HPSE: variants seen among roughly 807,000 people sequenced by gnomAD.
HPSE encodes the protein endo-glucoronidase.
In HPSE, 48 loss-of-function variants were observed where a neutral mutation model predicts 65.1. That is an observed-to-expected ratio of 0.74 (90% CI 0.58 to 0.94). HPSE has a LOEUF of 0.94. Ranked by LOEUF, HPSE falls within the 40% of genes least tolerant of loss-of-function variation. The pLI is 0.00. For synonymous variants in HPSE, 243 were observed against 260.0 expected, an observed-to-expected ratio of 0.93 and a Z score of 0.63; for missense variants, 644 against 637.5, an observed-to-expected ratio of 1.01 and a Z score of -0.11.
rs558212019 is a variant in HPSE, at chr4:83,326,132, G to A, written c.228-3768C>T. 7.2e-5 allele frequency among the ~76,000 whole-genome samples: 11 copies of A among 152,316 alleles called. No homozygotes were observed. In the East Asian group the frequency reaches 1.9e-3, roughly 27 times the overall value. On this transcript the variant is annotated intron_variant, in intron 1 of 11. Transcript: ENST00000311412. This position sits in a 1 kb window ranked among gnomAD's most constrained non-coding sequence, Gnocchi z 4.2. ...CTGGTCATGTTAACGTAGACAAAAC[G>A]TGATGGACTGAGGTAAGGTAACAGC...
intron 2 of HPSE, among the ~76,000 whole-genome samples, chr4:83,320,376 A>C (rs377212552): frequency 6.6e-6 from 1 of 152,032 alleles, no homozygotes; most frequent in African/African-American, 2.4e-5. Context: ...ACTAGCCTGG[A>C]CAACATAGTA....
At chr4:83,333,827 C>T (rs372758789) in intron 1 of HPSE, among the ~76,000 whole-genome samples, 6 of 140,778 alleles carry the variant, frequency 4.3e-5, no homozygotes, top group East Asian at 4.1e-4. Flanking sequence ...TGTTCTGTGA[C>T]GCCCTTTTCA....
intron 3 of HPSE, among the ~76,000 whole-genome samples, chr4:83,318,667 G>A (rs1398708508): frequency 3.5e-5 from 5 of 142,364 alleles, no homozygotes; most frequent in Admixed American, 7.2e-5. Context: ...CCAAGATTGC[G>A]CCATTGCACT....
chr4:83,317,937 A>T (rs371709362), intron 3 of HPSE, among the ~76,000 whole-genome samples: 16 of 152,338 alleles, frequency 1.1e-4, no homozygotes, highest in African/African-American at 3.8e-4. Context: ...TTAAAGTGTC[A>T]GAGTAGATCG....
chr4:83,298,481 TA>T (rs377621352), intron 11 of HPSE, among the ~76,000 whole-genome samples: 3,610 of 150,862 alleles, frequency 0.024, 152 homozygotes, highest in African/African-American at 0.082. Flanking sequence ...TATTTTTTTT[TA>T]AAAAAAAACA....
chr4:83,295,400 C>G lies in HPSE; in HGVS notation c.1576G>C (p.Ala526Pro). The G allele has an allele frequency of 6.2e-7, 1 of 1,612,988 alleles. No individual in the cohort carries two copies. Among genetic ancestry groups the G allele is most frequent in the Non-Finnish European group, 8.5e-7 (1 of 1,179,390 alleles). ...LRPGSSLGLP[A>P]FSYSFFVIRN... ...ATCACAAAAAAACTATATGAGAAAGCTGGCAAGCCCAGTGAACTTCCTGGC... is the reference window on the plus strand; with the variant it reads ...ATCACAAAAAAACTATATGAGAAAGGTGGCAAGCCCAGTGAACTTCCTGGC... Residue 526 changes from alanine to proline, a missense_variant, in exon 12 of 12, where the codon GCT becomes CCT. Ala to Pro is a conservative substitution (Grantham distance 27). Coordinates refer to ENST00000311412, the MANE Select transcript of HPSE (RefSeq NM_001098540.3).
chr4:83,313,181 A>G lies in HPSE; in HGVS notation c.606T>C (p.Ser202=). The G allele has an allele frequency of 4.3e-6, 7 of 1,613,802 alleles. No homozygotes were observed. Among genetic ancestry groups the G allele is most frequent in the South Asian group, 1.1e-5 (1 of 91,080 alleles). The change falls in exon 4 of 12, where the codon TCT becomes TCC. Residue 202 remains serine (S), a synonymous_variant. Coordinates refer to ENST00000311412, the MANE Select transcript of HPSE (RefSeq NM_001098540.3). ...AGTAGTCCAGGAGCAACTGAGCATT[A>G]GAACTGTTCCACTGCAAATCTGCTG... ...LRTADLQWNS[S]NAQLLLDYCS... is the part of the protein sequence containing the mutation.
chr4:83,300,843 G>A (rs747072624), intron 11 of HPSE, 117 bp downstream of exon 11: 1,939 of 329,398 alleles, frequency 5.9e-3, no homozygotes, highest in African/African-American at 0.013. Flanking sequence ...AAAAAAAAAA[G>A]AATTATTAGA....
chr4:83,302,231 C>T lies in HPSE; in HGVS notation c.1244G>A (p.Gly415Asp). 1 of 1,613,672 alleles carries T rather than the reference C, an allele frequency of 6.2e-7. No homozygotes were observed. The highest frequency in any genetic ancestry group is 8.5e-7 in the Non-Finnish European group (1 of 1,179,688). Residue 415 changes from glycine (G) to aspartate (D), a missense_variant, in exon 10 of 12, where the codon GGC (glycine) becomes GAC (aspartate). Coordinates refer to ENST00000311412, the MANE Select transcript of HPSE (RefSeq NM_001098540.3). ...WLSLLFKKLV[G>D]TKVLMASVQG... ...CACGCTTGCCATTAACACCTTGGTG[C>T]CCACCAATTTCTTGAACAGAAGAGA...
rs202093634 is a variant in HPSE at position 83,306,192 on chromosome 4, T to C, written c.1206+11A>G. Reference sequence around the variant, plus strand: ...TACTCCACTAGAATTAGGAAAATAATGGTCACTTACAGGTAAAGGATCGAA... The same window carrying C: ...TACTCCACTAGAATTAGGAAAATAACGGTCACTTACAGGTAAAGGATCGAA... On this transcript the variant is annotated intron_variant, in intron 9 of 11. Transcript: ENST00000311412. The C allele has an allele frequency of 3.3e-5, 50 of 1,498,000 alleles. No homozygotes were observed. Among genetic ancestry groups the C allele is most frequent in the Non-Finnish European group, 4.3e-5 (46 of 1,074,202 alleles). The allele number at this position is 1,498,000 out of a possible 1,614,324, so 92.8% of individuals were successfully genotyped here.
chr4:83,329,476 G>C (rs958283992), intron 1 of HPSE, among the ~76,000 whole-genome samples: 2 of 152,180 alleles, frequency 1.3e-5, no homozygotes, highest in Non-Finnish European at 2.9e-5. Context: ...AAGAAGTAGA[G>C]AGAGGAAGAA....
At chr4:83,328,564 A>T (rs1021141585) in intron 1 of HPSE, among the ~76,000 whole-genome samples, 2 of 152,200 alleles carry the variant, frequency 1.3e-5, no homozygotes, top group Non-Finnish European at 2.9e-5. Context: ...AGACCAAATA[A>T]GATAAAGTGT....
At chr4:83,323,569 T>C (rs1039901552) in intron 1 of HPSE, among the ~76,000 whole-genome samples, 3 of 152,160 alleles carry the variant, frequency 2.0e-5, no homozygotes, top group Non-Finnish European at 4.4e-5. Flanking sequence ...TTCACACACC[T>C]GTCTTTCCAG....
rs1212522994 is a variant in HPSE at position 83,313,164 on chromosome 4, A to G, written c.623T>C (p.Leu208Pro). The G allele has an allele frequency of 6.2e-7, 1 of 1,614,022 alleles. No individual in the cohort carries two copies. Among genetic ancestry groups the G allele is most frequent in the Non-Finnish European group, 8.5e-7 (1 of 1,179,848 alleles). The change falls in exon 4 of 12, where the codon CTG becomes CCG. Residue 208 changes from leucine (L) to proline (P), a missense_variant. Physicochemically the swap from Leu to Pro is moderately conservative, Grantham distance 98 (BLOSUM62 -3). Coordinates refer to ENST00000311412, the MANE Select transcript of HPSE (RefSeq NM_001098540.3). ...QWNSSNAQLL[L>P]DYCSSKGYNI... Reference sequence around the variant, plus strand: ...ATACCCCTTGGAAGAGCAGTAGTCCAGGAGCAACTGAGCATTAGAACTGTT... The same window carrying G: ...ATACCCCTTGGAAGAGCAGTAGTCCGGGAGCAACTGAGCATTAGAACTGTT...
rs557497766 is a variant in HPSE at position 83,323,115 on chromosome 4, A to C, written c.228-751T>G. On this transcript the variant is annotated intron_variant, in intron 1 of 11. Transcript: ENST00000311412. ...GTCTGTCTGAAAAATAGATCGTCCG[A>C]AACTATGGGACAGTAAAAAGATCAG... Among the ~76,000 whole-genome samples the C allele has an allele frequency of 2.6e-5, 4 of 152,298 alleles. No homozygotes were observed. In the South Asian group the frequency reaches 8.3e-4, roughly 32 times the overall value.
intron 11 of HPSE, 33 bp downstream of exon 11, chr4:83,300,927 G>A: frequency 6.9e-7 from 1 of 1,445,328 alleles, no homozygotes; most frequent in East Asian, 2.4e-5. Flanking sequence ...TAAATTTATT[G>A]AAAGTTTGGA....
chr4:83,303,201 C>T (rs1452321906), intron 9 of HPSE, among the ~76,000 whole-genome samples: 1 of 152,008 alleles, frequency 6.6e-6, no homozygotes, highest in Admixed American at 6.6e-5. Context: ...TACCAGTTTA[C>T]AGGAAACACA....
intron 4 of HPSE, 79 bp downstream of exon 4, chr4:83,313,035 A>T: frequency 9.6e-7 from 1 of 1,039,050 alleles, no homozygotes; most frequent in Non-Finnish European, 1.4e-6. Context: ...AAAAAAAAAA[A>T]AAAAAAGAAA....
chr4:83,309,684 T>C (rs1736291612), intron 6 of HPSE, among the ~76,000 whole-genome samples, 189 bp from the exon 7 acceptor site: 1 of 152,184 alleles, frequency 6.6e-6, no homozygotes, highest in African/African-American at 2.4e-5. Context: ...TGCAAGTAAC[T>C]AGAAATCAGT....
Sources: allele counts gnomAD v4.1 joint callset (sites outside exome capture counted in the v4.1 genomes callset), GRCh38; gene constraint gnomAD v4.1.1; non-coding constraint Gnocchi (gnomAD v3.1); transcripts MANE v1.5; gene names NCBI Gene and HGNC (gene_info 2026-07-23, HGNC 2026-07-21).